The following RARB variants were observed in gnomAD, a reference collection of about 807,000 sequenced individuals.
RARB encodes retinoic acid receptor beta.
Under a neutral mutation model 51.9 loss-of-function variants are expected in RARB, and 17 were observed. That is an observed-to-expected ratio of 0.33 (90% CI 0.22 to 0.49). The LOEUF is 0.49. Ranked by LOEUF, RARB falls within the 20% of genes least tolerant of loss-of-function variation. The pLI, the probability that RARB is intolerant of heterozygous loss-of-function variation, is 0.99. For synonymous variants in RARB, 215 were observed against 195.4 expected (o/e 1.10, Z -0.84); for missense variants, 369 against 550.8 (o/e 0.67, Z 3.30).
intron 5 of RARB, among the ~76,000 whole-genome samples, chr3:25,263,868 T>G (rs1393341768): frequency 6.6e-6 from 1 of 152,178 alleles, no homozygotes; most frequent in Non-Finnish European, 1.5e-5. Flanking sequence ...GTCAACAAAT[T>G]CTGTGTCTTC....
At chr3:25,101,536 A>G (rs1242228633) in intron 3 of RARB, among the ~76,000 whole-genome samples, 2 of 151,902 alleles carry the variant, frequency 1.3e-5, no homozygotes, top group Non-Finnish European at 2.9e-5. Flanking sequence ...AAACTTTTCC[A>G]TATCATTATG....
intron 2 of RARB, among the ~76,000 whole-genome samples, chr3:24,977,861 G>C (rs1474231179): frequency 6.6e-6 from 1 of 152,114 alleles, no homozygotes; most frequent in East Asian, 1.9e-4. Context: ...TCCAGTTTTT[G>C]CTCATTCAGT....
At chr3:24,988,005 G>C (rs1018513947) in intron 2 of RARB, among the ~76,000 whole-genome samples, 1 of 150,874 alleles carries the variant, frequency 6.6e-6, no homozygotes, top group Non-Finnish European at 1.5e-5. Flanking sequence ...GTTGTAATTA[G>C]AACATTTTAC....
chr3:25,375,431 C>T (rs1248251811), intron 5 of RARB, among the ~76,000 whole-genome samples: 1 of 152,130 alleles, frequency 6.6e-6, no homozygotes, highest in Non-Finnish European at 1.5e-5. Flanking sequence ...TCAGTGGTTA[C>T]CACCTTACTA....
intron 2 of RARB, among the ~76,000 whole-genome samples, chr3:25,466,591 C>T (rs1002433190): frequency 2.6e-5 from 4 of 152,192 alleles, no homozygotes; most frequent in African/African-American, 9.6e-5. Context: ...AGTGTTCTTT[C>T]TGCAGTTCTC....
Position 25,413,118 on chromosome 3 carries a change from G to C in RARB, c.179-48075G>C, listed in dbSNP as rs188124420. ...TTAAATCCTGACTAAAACATAACCAGTATCCTCACTTCTAACAACATAGAT... is the reference window on the plus strand; with the variant it reads ...TTAAATCCTGACTAAAACATAACCACTATCCTCACTTCTAACAACATAGAT... On this transcript the variant is annotated intron_variant, in intron 5 of 11. Coordinates refer to the RARB transcript ENST00000383772. Among the ~76,000 whole-genome samples the C allele has an allele frequency of 2.7e-3, 403 of 152,004 alleles. 2 individuals carry two copies. The highest frequency in any genetic ancestry group is 8.8e-3 in the African/African-American group (366 of 41,460).
intron 5 of RARB, among the ~76,000 whole-genome samples, chr3:25,222,660 C>T (rs1701972820): frequency 6.6e-6 from 1 of 152,146 alleles, no homozygotes; most frequent in Non-Finnish European, 1.5e-5. Flanking sequence ...AAGGAATGAA[C>T]ACTATTCTGT....
chr3:25,547,701 G>A (rs1295604684), intron 3 of RARB, among the ~76,000 whole-genome samples: 1 of 152,170 alleles, frequency 6.6e-6, no homozygotes, highest in East Asian at 1.9e-4. Flanking sequence ...CTGTGTTGGA[G>A]TTTAATAATT....
At chr3:25,423,329 G>A (rs1158710013), upstream of RARB, among the ~76,000 whole-genome samples, 4 of 152,144 alleles carry the variant, frequency 2.6e-5, no homozygotes. Context: ...TTAACAGCTG[G>A]CCATTGGTTA....
Position 25,444,703 on chromosome 3 carries a change from G to C in RARB, c.157+15815G>C, listed in dbSNP as rs534814218. On this transcript the variant is annotated intron_variant, in intron 1 of 7. Transcript: ENST00000330688. ...AGGAAGATTCAATGTATCTCCTGTA[G>C]GAACAAGTAAAAATACAACAGCACT... Among the ~76,000 whole-genome samples, 6 of 152,250 alleles carry C rather than the reference G, an allele frequency of 3.9e-5. No homozygotes were observed. In the South Asian group the frequency reaches 1.2e-3, roughly 32 times the overall value.
At chr3:25,099,028 C>G (rs1699351199) in intron 3 of RARB, among the ~76,000 whole-genome samples, 1 of 152,128 alleles carries the variant, frequency 6.6e-6, no homozygotes, top group African/African-American at 2.4e-5. Context: ...TGGGTCCATT[C>G]CCTGCTGCAA....
chr3:25,309,858 C>T (rs964915875), intron 5 of RARB, among the ~76,000 whole-genome samples: 6 of 152,256 alleles, frequency 3.9e-5, no homozygotes, highest in East Asian at 1.9e-4. Context: ...TACATTACCC[C>T]TACACATGAA....
chr3:24,907,381 G>T lies in RARB; in HGVS notation c.-380+48629G>T, dbSNP rs1354372300. The stretch of plus-strand genomic sequence containing the variant: ...CTGGCCTAGGGCCACACTTAGTATC[G>T]CTGGATTAGAAAAGAGTTAGTTACA... On this transcript the variant is annotated intron_variant, in intron 2 of 11. Transcript: ENST00000383772. Among the ~76,000 whole-genome samples the T allele has an allele frequency of 4.6e-5, 7 of 152,238 alleles. No individual in the cohort carries two copies. In the South Asian group the frequency reaches 1.5e-3, roughly 32 times the overall value.
intron 5 of RARB, among the ~76,000 whole-genome samples, chr3:25,332,302 C>T (rs1704923878): frequency 1.3e-5 from 2 of 152,172 alleles, no homozygotes; most frequent in South Asian, 2.1e-4. Context: ...CTGAATCCAG[C>T]AGCACATCAA....
chr3:25,588,196 C>A (rs1373535038), intron 5 of RARB, among the ~76,000 whole-genome samples: 1 of 152,182 alleles, frequency 6.6e-6, no homozygotes, highest in East Asian at 1.9e-4. Context: ...TGAACTATTG[C>A]TGTGTACACT....
intron 2 of RARB, among the ~76,000 whole-genome samples, chr3:25,054,019 G>T (rs949207243): frequency 6.6e-6 from 1 of 152,144 alleles, no homozygotes; most frequent in Non-Finnish European, 1.5e-5. Flanking sequence ...CCTTGCTCTT[G>T]AGGAGTTCTT....
chr3:25,426,292 AAGAG>A (rs767130140), upstream of RARB, among the ~76,000 whole-genome samples: 3 of 152,254 alleles, frequency 2.0e-5, no homozygotes, highest in African/African-American at 4.8e-5. Flanking sequence ...GGCCATATAA[AAGAG>A]AGAAGAGAGG....
intron 2 of RARB, among the ~76,000 whole-genome samples, chr3:25,049,761 T>A (rs143796543): frequency 6.6e-6 from 1 of 152,360 alleles, no homozygotes; most frequent in African/African-American, 2.4e-5. Flanking sequence ...CAAACTGATG[T>A]GTTAACTATG....
intron 5 of RARB, among the ~76,000 whole-genome samples, chr3:25,317,125 T>G (rs1210671155): frequency 1.4e-5 from 1 of 70,704 alleles, no homozygotes; most frequent in African/African-American, 4.5e-5. Flanking sequence ...AAAGCAATAA[T>G]GTAATCATAG....
Sources: allele counts gnomAD v4.1 joint callset (sites outside exome capture counted in the v4.1 genomes callset), GRCh38; gene constraint gnomAD v4.1.1; transcripts MANE v1.5; gene names NCBI Gene and HGNC (gene_info 2026-07-23, HGNC 2026-07-21).